The following MAN1A2 variants were observed in gnomAD, a reference collection of about 807,000 sequenced individuals.
MAN1A2 encodes mannosyl-oligosaccharide 1,2-alpha-mannosidase IB.
Under a neutral mutation model 75.7 loss-of-function variants are expected in MAN1A2, and 26 were observed. The observed-to-expected ratio is 0.34, with a 90% CI of 0.25 to 0.48. The LOEUF is 0.48. Ranked by LOEUF, MAN1A2 falls within the 20% of genes least tolerant of loss-of-function variation. The probability of loss-of-function intolerance (pLI) is 0.99; values close to 1 mark genes in which losing one functional copy is unlikely to be tolerated. For synonymous variants in MAN1A2, 247 were observed against 264.6 expected (o/e 0.93, Z 0.65); for missense variants, 562 against 775.5 (o/e 0.72, Z 3.27).
intron 11 of MAN1A2, 128 bp from the exon 12 acceptor site, chr1:117,502,724 ATAT>A: frequency 3.2e-6 from 2 of 620,552 alleles, no homozygotes; most frequent in South Asian, 1.9e-5. Context: ...TTTTGATAAT[ATAT>A]TATTCTTAAG....
chr1:117,412,746 A>C (rs768491387), intron 3 of MAN1A2, among the ~76,000 whole-genome samples: 4 of 151,770 alleles, frequency 2.6e-5, no homozygotes, highest in Non-Finnish European at 1.5e-5. Context: ...TCAAATCTTG[A>C]CTTCCTCTAG....
chr1:117,432,120 C>A (rs894680519), intron 5 of MAN1A2, among the ~76,000 whole-genome samples: 1 of 152,146 alleles, frequency 6.6e-6, no homozygotes, highest in Non-Finnish European at 1.5e-5. Context: ...AAAGTTGATT[C>A]TTTGAAAGAA....
At chr1:117,434,288 T>C (rs537808221) in intron 5 of MAN1A2, among the ~76,000 whole-genome samples, 2 of 152,332 alleles carry the variant, frequency 1.3e-5, no homozygotes, top group South Asian at 4.1e-4. Flanking sequence ...TTTCAAGACC[T>C]TACTGAGGTT....
At chr1:117,515,800 G>A (rs1282734623) in intron 12 of MAN1A2, 1 of 152,126 alleles carries the variant, frequency 6.6e-6, no homozygotes, top group Non-Finnish European at 1.5e-5. Context: ...TAGAATGTTG[G>A]TTACCAGGGA....
chr1:117,488,552 A>G (rs551841588), intron 8 of MAN1A2, among the ~76,000 whole-genome samples: 1 of 152,182 alleles, frequency 6.6e-6, no homozygotes, highest in East Asian at 1.9e-4. Context: ...TATGGTGATA[A>G]TAGAAATTAG....
At chr1:117,405,285 C>T (rs1647576903) in intron 2 of MAN1A2, among the ~76,000 whole-genome samples, 1 of 151,974 alleles carries the variant, frequency 6.6e-6, no homozygotes, top group African/African-American at 2.4e-5. Flanking sequence ...CTTAACATTT[C>T]TCAAAAGGAA....
rs1650939203 is a variant in MAN1A2 at position 117,493,230 on chromosome 1, G to A, written c.1252G>A (p.Glu418Lys). ...GTTGATGTCAGATAAAACAGACCAT[G>A]AGGCAAGAAAGATGTATGATGATGC... is the stretch of plus-strand genomic sequence containing the variant. ...AWLMSDKTDHEARKMYDDAIE... is the reference protein window; with the variant it reads ...AWLMSDKTDHKARKMYDDAIE... The change falls in exon 9 of 13, where the codon GAG becomes AAG. Residue 418 changes from glutamate (E) to lysine (K), a missense_variant. Glu to Lys is a moderately conservative substitution (Grantham distance 56). Around this residue, in one of 2 missense-constraint regions of MAN1A2, gnomAD observed 434 missense variants for 645.7 expected, o/e 0.67. Transcript: ENST00000356554. 1.2e-6 allele frequency: 2 copies of A among 1,611,766 alleles called. No individual in the cohort carries two copies. Among genetic ancestry groups the A allele is most frequent in the Admixed American group, 1.7e-5 (1 of 59,900 alleles).
At chr1:117,386,529 G>T (rs1433446605) in intron 1 of MAN1A2, among the ~76,000 whole-genome samples, 4 of 152,172 alleles carry the variant, frequency 2.6e-5, no homozygotes, top group South Asian at 4.1e-4. Context: ...GAAAAACCAG[G>T]TTATATGGCT....
chr1:117,403,457 T>G (rs1647508458), intron 2 of MAN1A2, among the ~76,000 whole-genome samples: 1 of 152,180 alleles, frequency 6.6e-6, no homozygotes, highest in Non-Finnish European at 1.5e-5. Context: ...TTGCTTTTTT[T>G]CAGATGTCAT....
At chr1:117,390,884 A>C (rs1053957194) in intron 1 of MAN1A2, among the ~76,000 whole-genome samples, 3 of 152,080 alleles carry the variant, frequency 2.0e-5, no homozygotes, top group African/African-American at 7.2e-5. Flanking sequence ...GGCACTTTCA[A>C]ATTTCACTTT....
At chr1:117,404,035 A>AT (rs1289749807) in intron 2 of MAN1A2, among the ~76,000 whole-genome samples, 7 of 151,562 alleles carry the variant, frequency 4.6e-5, no homozygotes, top group South Asian at 2.1e-4. Context: ...TGACTGTATG[A>AT]TTTTTTTTCC....
At chr1:117,376,526 C>G (rs1222192787) in intron 1 of MAN1A2, among the ~76,000 whole-genome samples, 1 of 152,258 alleles carries the variant, frequency 6.6e-6, no homozygotes, top group Non-Finnish European at 1.5e-5. Flanking sequence ...TATGATTCCT[C>G]TAGTGTTTTT....
At chr1:117,454,897 T>C (rs1165886992) in intron 6 of MAN1A2, among the ~76,000 whole-genome samples, 1 of 152,026 alleles carries the variant, frequency 6.6e-6, no homozygotes, top group Non-Finnish European at 1.5e-5. Flanking sequence ...GTTAATGGTT[T>C]ATGTTGTAAT....
Position 117,368,134 on chromosome 1 carries a change from T to G in MAN1A2, c.-50T>G. 6.6e-7 allele frequency: 1 copy of G among 1,513,018 alleles called. No individual in the cohort carries two copies. Among genetic ancestry groups the G allele is most frequent in the Non-Finnish European group, 8.9e-7 (1 of 1,129,336 alleles). The allele number at this position is 1,513,018 out of a possible 1,614,324, so 93.7% of individuals were successfully genotyped here. A position where few individuals can be genotyped will look rare whatever the true frequency, so the allele number is the denominator to read the frequency against. On this transcript the variant is annotated 5_prime_UTR_variant, in exon 1 of 13. In the 5' UTR this introduces an upstream ATG that the reference lacks. Transcript: ENST00000356554. Reference sequence around the variant, plus strand: ...GAAGACAGTTCAATGTATTCTACATTTGACATAAGATGAGAACTTTCTAAA... The same window carrying G: ...GAAGACAGTTCAATGTATTCTACATGTGACATAAGATGAGAACTTTCTAAA...
intron 6 of MAN1A2, among the ~76,000 whole-genome samples, chr1:117,458,522 TA>T (rs1389307085): frequency 0.012 from 1,107 of 90,118 alleles, 38 homozygotes; most frequent in Middle Eastern, 0.045. Context: ...GATATATATA[TA>T]TTTTTTTTTT....
intron 3 of MAN1A2, among the ~76,000 whole-genome samples, 194 bp from the exon 4 acceptor site, chr1:117,414,519 A>G (rs1647924315): frequency 6.6e-6 from 1 of 151,516 alleles, no homozygotes; most frequent in Admixed American, 6.6e-5. Context: ...TAATATATAC[A>G]TATAATTTCT....
rs566799835 is a variant in MAN1A2, at chr1:117,386,951, C to T, written c.303-15235C>T. 1.3e-4 allele frequency among the ~76,000 whole-genome samples: 20 copies of T among 151,774 alleles called. No individual in the cohort carries two copies. In the South Asian group the frequency reaches 1.9e-3, roughly 14 times the overall value. On this transcript the variant is annotated intron_variant, in intron 1 of 12. Coordinates refer to ENST00000356554, the MANE Select transcript of MAN1A2 (RefSeq NM_006699.5). ...CAAACAAAAACTGTGAAAAGGTGCC[C>T]GGTAGCATGGGAGAAAATATTTGCA... is the stretch of plus-strand genomic sequence containing the variant.
intron 8 of MAN1A2, among the ~76,000 whole-genome samples, chr1:117,468,844 T>C (rs1271984021): frequency 6.6e-6 from 1 of 152,094 alleles, no homozygotes. Context: ...GAAACCAAAG[T>C]GTTATGTGTG....
intron 1 of MAN1A2, among the ~76,000 whole-genome samples, chr1:117,390,714 A>G (rs1279042140): frequency 6.6e-6 from 1 of 151,680 alleles, no homozygotes; most frequent in Admixed American, 6.6e-5. Context: ...TTCTTGATAT[A>G]AGATCTTTTT....
Sources: allele counts gnomAD v4.1 joint callset (sites outside exome capture counted in the v4.1 genomes callset), GRCh38; gene constraint gnomAD v4.1.1; regional missense constraint gnomAD v4.1.1; transcripts MANE v1.5; gene names NCBI Gene and HGNC (gene_info 2026-07-23, HGNC 2026-07-21).